The following IQCJ variants were observed in gnomAD, a reference collection of about 807,000 sequenced individuals.
IQCJ encodes the protein IQ domain-containing protein J.
Under a neutral mutation model 11.0 loss-of-function variants are expected in IQCJ, and 9 were observed. The observed-to-expected ratio is 0.82, with a 90% confidence interval of 0.49 to 1.43. The LOEUF (loss-of-function observed/expected upper bound fraction) is 1.43, where lower values mean the gene tolerates loss of function less well. Among genes scored for constraint, IQCJ ranks in the 40% most tolerant of loss-of-function variants. The pLI, the probability that IQCJ is intolerant of heterozygous loss-of-function variation, is 0.00. For synonymous variants in IQCJ, 55 were observed against 51.3 expected (o/e 1.07, Z -0.31); for missense variants, 146 against 133.2 (o/e 1.10, Z -0.47).
intron 1 of IQCJ, among the ~76,000 whole-genome samples, chr3:159,142,588 T>C (rs58722005): frequency 0.026 from 3,987 of 152,238 alleles, 189 homozygotes; most frequent in African/African-American, 0.091. Flanking sequence ...GGCTAATTTT[T>C]TATATTTTTA....
intron 1 of IQCJ, among the ~76,000 whole-genome samples, chr3:159,197,932 G>A (rs9878883): frequency 0.15 from 22,780 of 151,688 alleles, 1,977 homozygotes; most frequent in Admixed American, 0.21. Context: ...TACTATTATA[G>A]CACACACAAA....
chr3:159,071,521 G>T (rs1715560810), intron 1 of IQCJ, among the ~76,000 whole-genome samples: 1 of 151,964 alleles, frequency 6.6e-6, no homozygotes, highest in African/African-American at 2.4e-5. Context: ...TACATATATA[G>T]AAATATTAAT....
At chr3:159,172,657 G>A (rs906485373) in intron 1 of IQCJ, among the ~76,000 whole-genome samples, 1 of 151,074 alleles carries the variant, frequency 6.6e-6, no homozygotes, top group Non-Finnish European at 1.5e-5. Context: ...GACAGCACAT[G>A]CCCTCTCTAC....
chr3:159,144,867 A>G (rs1470498314), intron 1 of IQCJ, among the ~76,000 whole-genome samples: 6 of 152,348 alleles, frequency 3.9e-5, no homozygotes, highest in African/African-American at 1.4e-4. Flanking sequence ...CCTCATTTCT[A>G]ATAAAGAACA....
chr3:159,245,758 C>G, intron 1 of IQCJ, 85 bp from the exon 2 acceptor site: 1 of 1,170,448 alleles, frequency 8.5e-7, no homozygotes, highest in Non-Finnish European at 1.2e-6. Flanking sequence ...TGTGTTGTAT[C>G]AATTTTGCTA....
At chr3:159,216,560 T>C (rs1269496513) in intron 1 of IQCJ, among the ~76,000 whole-genome samples, 1 of 152,176 alleles carries the variant, frequency 6.6e-6, no homozygotes, top group Non-Finnish European at 1.5e-5. Flanking sequence ...TTCTCATTAG[T>C]CGGTAACTTA....
chr3:159,237,888 G>T (rs1304670663), intron 1 of IQCJ, among the ~76,000 whole-genome samples: 6 of 152,146 alleles, frequency 3.9e-5, no homozygotes, highest in Non-Finnish European at 1.5e-5. Flanking sequence ...TATAGAAAAA[G>T]AATTGCAAAG....
At chr3:159,222,535 G>A (rs939975696) in intron 1 of IQCJ, among the ~76,000 whole-genome samples, 4 of 152,134 alleles carry the variant, frequency 2.6e-5, no homozygotes, top group South Asian at 2.1e-4. Context: ...ATTACCAGAG[G>A]TGGAGAGAGG....
intron 1 of IQCJ, among the ~76,000 whole-genome samples, chr3:159,210,114 A>G (rs1275287304): frequency 6.6e-6 from 1 of 152,214 alleles, no homozygotes; most frequent in Non-Finnish European, 1.5e-5. Context: ...AAGGAAGCAG[A>G]GCCCAACCAA....
intron 1 of IQCJ, among the ~76,000 whole-genome samples, chr3:159,149,829 G>A (rs1270613828): frequency 1.3e-5 from 2 of 152,156 alleles, no homozygotes; most frequent in Admixed American, 6.5e-5. Context: ...AGAAAAACAA[G>A]GCTCTTTAGG....
chr3:159,111,395 A>G (rs1001294369), intron 1 of IQCJ, among the ~76,000 whole-genome samples: 2 of 152,174 alleles, frequency 1.3e-5, no homozygotes, highest in African/African-American at 4.8e-5. Context: ...ATTGAAAATG[A>G]TGAAAAAAAA....
chr3:159,083,336 G>C (rs1232585500), intron 1 of IQCJ, among the ~76,000 whole-genome samples: 1 of 152,122 alleles, frequency 6.6e-6, no homozygotes, highest in Non-Finnish European at 1.5e-5. Context: ...AGGATATATA[G>C]ATGGCAGATA....
chr3:159,145,645 C>T (rs1720886489), intron 1 of IQCJ, among the ~76,000 whole-genome samples: 1 of 151,706 alleles, frequency 6.6e-6, no homozygotes, highest in Non-Finnish European at 1.5e-5. Context: ...GTGAATGTAT[C>T]CATAAATTTT....
intron 1 of IQCJ, among the ~76,000 whole-genome samples, chr3:159,103,624 G>A (rs1041570462): frequency 2.6e-5 from 4 of 152,116 alleles, no homozygotes; most frequent in African/African-American, 9.7e-5. Context: ...TCCTTTTCTG[G>A]ACTAAGTCTA....
chr3:159,093,902 C>T (rs1717526211), intron 1 of IQCJ, among the ~76,000 whole-genome samples: 2 of 151,888 alleles, frequency 1.3e-5, no homozygotes, highest in South Asian at 2.1e-4. Flanking sequence ...CTAATCACCT[C>T]CAATGAGGTC....
intron 1 of IQCJ, among the ~76,000 whole-genome samples, chr3:159,169,674 T>A (rs1220451527): frequency 3.9e-5 from 6 of 152,212 alleles, no homozygotes; most frequent in Admixed American, 3.3e-4. Flanking sequence ...AACTTTGGGC[T>A]TGTTGCTTCA....
At chr3:159,229,144 A>C (rs1726038069) in intron 1 of IQCJ, among the ~76,000 whole-genome samples, 1 of 152,160 alleles carries the variant, frequency 6.6e-6, no homozygotes, top group African/African-American at 2.4e-5. Flanking sequence ...TTTACTGAAC[A>C]AGCCTCTATT....
chr3:159,165,898 G>C (rs1484615163), intron 1 of IQCJ, among the ~76,000 whole-genome samples: 2 of 151,284 alleles, frequency 1.3e-5, no homozygotes, highest in African/African-American at 2.4e-5. Flanking sequence ...CAAAGTGCTG[G>C]GATTCAGGCA....
At chr3:159,161,488 C>T (rs1225270067) in intron 1 of IQCJ, among the ~76,000 whole-genome samples, 1 of 152,154 alleles carries the variant, frequency 6.6e-6, no homozygotes, top group Non-Finnish European at 1.5e-5. Flanking sequence ...GTTGCCTGCT[C>T]ACTCTGATGG....
Sources: gnomAD v4.1 joint callset for allele counts (sites outside exome capture counted in the v4.1 genomes callset) on GRCh38, gnomAD v4.1.1 for gene constraint, MANE v1.5 for transcripts, NCBI Gene and HGNC (gene_info 2026-07-23, HGNC 2026-07-21) for gene names.